ADRM1: variants seen among roughly 807,000 people sequenced by gnomAD.
ADRM1 encodes ADRM1 26S proteasome ubiquitin receptor, also known as proteasomal ubiquitin receptor ADRM1.
Under a neutral mutation model 40.1 loss-of-function variants are expected in ADRM1, and 2 were observed. The ratio of observed to expected loss-of-function variants is 0.05; its 90% CI spans 0.02 to 0.16. The LOEUF (loss-of-function observed/expected upper bound fraction) is 0.16. ADRM1 is among the 10% of genes least tolerant of loss of function. The pLI is 1.00. For missense variants in ADRM1, 467 were observed against 552.5 expected (o/e 0.85, Z 1.55); for synonymous variants, 287 against 240.4 (o/e 1.19, Z -1.79).
At chr20:62,304,321 C>A (rs768942184) in intron 2 of ADRM1, 140 bp from the exon 3 acceptor site, 10 of 662,488 alleles carry the variant, frequency 1.5e-5, no homozygotes, top group Non-Finnish European at 2.7e-5. Flanking sequence ...CTTGTGGAGA[C>A]CCTGCCAGCG....
In ADRM1 at chr20:62,306,267, C is replaced by T; in HGVS notation, c.401C>T (p.Pro134Leu). ...VNEYLNNPPMPGALGASGSSG... is the reference protein window; with the variant it reads ...VNEYLNNPPMLGALGASGSSG... ...GAGTATCTGAACAACCCCCCGATGCCTGGGGCGCTGGGGGCCAGCGGAAGC... is the reference window on the plus strand; with the variant it reads ...GAGTATCTGAACAACCCCCCGATGCTTGGGGCGCTGGGGGCCAGCGGAAGC... The change falls in exon 4 of 10, where the codon CCT (proline) becomes CTT (leucine). Residue 134 changes from proline to leucine, a missense_variant. Pro to Leu is a moderately conservative substitution (Grantham distance 98, BLOSUM62 -3). Coordinates refer to ENST00000253003, the MANE Select transcript of ADRM1 (RefSeq NM_007002.4). 1.2e-6 allele frequency: 2 copies of T among 1,613,064 alleles called. No individual in the cohort carries two copies. The highest frequency in any genetic ancestry group is 1.7e-6 in the Non-Finnish European group (2 of 1,179,864).
rs749882447 is a variant in ADRM1, at chr20:62,308,696, C to T, written c.1159C>T (p.Pro387Ser). 3 of 1,612,962 alleles carry T rather than the reference C, an allele frequency of 1.9e-6. No individual in the cohort carries two copies. Among genetic ancestry groups the T allele is most frequent in the East Asian group, 2.2e-5 (1 of 44,882 alleles). Residue 387 changes from proline to serine, a missense_variant, in exon 10 of 10, where the codon CCC becomes TCC. By Grantham distance (74) the Pro-to-Ser change is moderately conservative. Transcript: ENST00000253003. ...CAAAGCCATGCAGAACAACGCCAAG[C>T]CCGAGCAGAAAGAGGGCGACACGAA... is the stretch of plus-strand genomic sequence containing the variant. ...FAKAMQNNAKPEQKEGDTKDK... is the reference protein window; with the variant it reads ...FAKAMQNNAKSEQKEGDTKDK...
At chr20:62,303,838 C>G in intron 2 of ADRM1, 57 bp downstream of exon 2, 1 of 1,565,394 alleles carries the variant, frequency 6.4e-7, no homozygotes, top group Non-Finnish European at 8.7e-7. Flanking sequence ...CCTCGGAGTC[C>G]TCGCTTTGGA....
At position 62,302,998 on chromosome 20, in the gene ADRM1, A is replaced by G. The variant is rs1441836616; in HGVS notation, c.-53A>G. 6.6e-6 allele frequency: 1 copy of G among 151,740 alleles called. No homozygotes were observed. The highest frequency in any genetic ancestry group is 1.5e-5 in the Non-Finnish European group (1 of 67,946). The allele number at this position is 151,740 out of a possible 1,614,324, so 9.4% of individuals were successfully genotyped here. A position where few individuals can be genotyped will look rare whatever the true frequency, so the allele number is the denominator to read the frequency against. On this transcript the variant is annotated 5_prime_UTR_variant, in exon 1 of 10. Coordinates refer to ENST00000253003, the MANE Select transcript of ADRM1 (RefSeq NM_007002.4). The stretch of plus-strand genomic sequence containing the variant: ...CGGCGGGGCCCGGCAGGCGCCGAGG[A>G]GGAAGAGCGAGCCCGGACGGCGCCT...
Position 62,304,657 on chromosome 20 carries a change from G to A in ADRM1, c.330+80G>A, listed in dbSNP as rs1018213783. 10 of 1,433,220 alleles carry A rather than the reference G, an allele frequency of 7.0e-6. No individual in the cohort carries two copies. The Admixed American group carries it at 1.7e-4, about 24-fold the overall frequency. The allele number at this position is 1,433,220 out of a possible 1,614,324, so 88.8% of individuals were successfully genotyped here. On this transcript the variant is annotated intron_variant, in intron 3 of 9. Coordinates refer to ENST00000253003, the MANE Select transcript of ADRM1 (RefSeq NM_007002.4). ...AACTTGCTTACAGTGTGGTGCAATTGGCTTTTATAAACCAGCAGGCGCCGG... is the reference window on the plus strand; with the variant it reads ...AACTTGCTTACAGTGTGGTGCAATTAGCTTTTATAAACCAGCAGGCGCCGG...
Position 62,308,080 on chromosome 20 carries a change from G to A in ADRM1, c.916G>A (p.Val306Ile). 6.2e-7 allele frequency: 1 copy of A among 1,611,628 alleles called. No individual in the cohort carries two copies. The highest frequency in any genetic ancestry group is 8.5e-7 in the Non-Finnish European group (1 of 1,179,776). The change falls in exon 8 of 10, where the codon GTC (valine) becomes ATC (isoleucine). Residue 306 changes from valine to isoleucine, a missense_variant. Val to Ile is a conservative substitution (Grantham distance 29). Around this residue, in one of 3 missense-constraint regions of ADRM1, gnomAD observed 418 missense variants for 474.6 expected, o/e 0.88. Transcript: ENST00000253003. ...GGCTCCCATCCTCGCCAACGCGGAT[G>A]TCCAGGAGCGCCTGCTTCCCTACTT... Reference protein sequence around the residue: ...IMAPILANADVQERLLPYLPS... With the variant: ...IMAPILANADIQERLLPYLPS...
chr20:62,307,873 T>A, intron 7 of ADRM1, 45 bp downstream of exon 7: 1 of 1,568,626 alleles, frequency 6.4e-7, no homozygotes, highest in Non-Finnish European at 8.6e-7. Flanking sequence ...GCATGGGGCC[T>A]GCTGACCCTC....
chr20:62,304,132 C>G, intron 2 of ADRM1: 1 of 477,742 alleles, frequency 2.1e-6, no homozygotes, highest in East Asian at 3.8e-5. Flanking sequence ...CTTTGTTTTT[C>G]AAACTCTTAG....
intron 2 of ADRM1, 23 bp from the exon 3 acceptor site, chr20:62,304,438 T>A: frequency 6.2e-7 from 1 of 1,600,142 alleles, no homozygotes; most frequent in Non-Finnish European, 8.6e-7. Context: ...CGCCACTGAC[T>A]CTCTCTTCCC....
intron 4 of ADRM1, 87 bp downstream of exon 4, chr20:62,306,407 T>C: frequency 6.2e-7 from 1 of 1,600,366 alleles, no homozygotes; most frequent in South Asian, 1.1e-5. Flanking sequence ...GCACAGGTTG[T>C]TTGGAAGTGG....
At chr20:62,307,245 C>T in intron 5 of ADRM1, 126 bp from the exon 6 acceptor site, 1 of 924,528 alleles carries the variant, frequency 1.1e-6, no homozygotes. Context: ...GCCTGTGGGT[C>T]CCCACCGCCC....
At position 62,307,766 on chromosome 20, in the gene ADRM1, G is replaced by A; in HGVS notation, c.794G>A (p.Ser265Asn). The A allele has an allele frequency of 6.2e-7, 1 of 1,611,796 alleles. No homozygotes were observed. Among genetic ancestry groups the A allele is most frequent in the South Asian group, 1.1e-5 (1 of 91,012 alleles). ...AASPTQPIQL[S>N]DLQSILATMN... is the part of the protein sequence containing the mutation. ...AGCCCGACCCAGCCCATCCAGCTGA[G>A]CGACCTCCAGAGCATCCTGGCCACG... The change falls in exon 7 of 10, where the codon AGC becomes AAC. Residue 265 changes from serine (S) to asparagine (N), a missense_variant. By Grantham distance (46) the Ser-to-Asn change is conservative (BLOSUM62 1). Transcript: ENST00000253003.
Position 62,308,073 on chromosome 20 carries a change from C to T in ADRM1, c.909C>T (p.Asn303=), listed in dbSNP as rs756225724. 100 of 1,611,554 alleles carry T rather than the reference C, an allele frequency of 6.2e-5. 1 individual carries two copies. In the South Asian group the frequency reaches 9.1e-4, roughly 15 times the overall value. The change falls in exon 8 of 10, where the codon AAC becomes AAT. Residue 303 remains asparagine (N), a synonymous_variant. Coordinates refer to ENST00000253003, the MANE Select transcript of ADRM1 (RefSeq NM_007002.4). ...TPEIMAPILA[N]ADVQERLLPY... ...AGATAATGGCTCCCATCCTCGCCAA[C>T]GCGGATGTCCAGGAGCGCCTGCTTC...
At chr20:62,308,000 G>A (rs749556091) in intron 7 of ADRM1, 21 bp from the exon 8 acceptor site, 6 of 1,601,332 alleles carry the variant, frequency 3.7e-6, no homozygotes, top group Non-Finnish European at 5.1e-6. Flanking sequence ...TCGAGCTGAT[G>A]GCCGTGTTCT....
chr20:62,303,412 C>A, intron 1 of ADRM1, 156 bp from the exon 2 acceptor site: 1 of 725,364 alleles, frequency 1.4e-6, no homozygotes, highest in Non-Finnish European at 2.2e-6. Flanking sequence ...TCGTCGTGAG[C>A]GGGGCAAACG....
At chr20:62,308,527 C>T (rs1985511891) in intron 9 of ADRM1, 57 bp downstream of exon 9, 12 of 1,560,958 alleles carry the variant, frequency 7.7e-6, no homozygotes, top group Admixed American at 1.9e-5. Context: ...CCATTCCTGT[C>T]CCCCTGGATC....
chr20:62,306,527 T>A, intron 4 of ADRM1, 121 bp from the exon 5 acceptor site: 1 of 1,293,754 alleles, frequency 7.7e-7, no homozygotes, highest in Non-Finnish European at 1.1e-6. Flanking sequence ...TCACTTCAAG[T>A]GGTGCCCCCT....
At chr20:62,306,514 G>C in intron 4 of ADRM1, 134 bp from the exon 5 acceptor site, 1 of 1,275,138 alleles carries the variant, frequency 7.8e-7, no homozygotes, top group Non-Finnish European at 1.1e-6. Context: ...TCCCACCGTC[G>C]CCTCACTTCA....
rs563137376 is a variant in ADRM1 at position 62,308,766 on chromosome 20, C to G, written c.*5C>G. Reference sequence around the variant, plus strand: ...GAGGACATGAGCCTGGACTGAGCCACGCGCCGTCCTCCGAGGAACTGGGCG... The same window carrying G: ...GAGGACATGAGCCTGGACTGAGCCAGGCGCCGTCCTCCGAGGAACTGGGCG... On this transcript the variant is annotated 3_prime_UTR_variant, in exon 10 of 10. Transcript: ENST00000253003. 2 of 1,612,662 alleles carry G rather than the reference C, an allele frequency of 1.2e-6. No homozygotes were observed. The highest frequency in any genetic ancestry group is 3.3e-5 in the Admixed American group (2 of 59,972).
Sources: allele counts gnomAD v4.1 joint callset, GRCh38; gene constraint gnomAD v4.1.1; regional missense constraint gnomAD v4.1.1; transcripts MANE v1.5; gene names NCBI Gene and HGNC (gene_info 2026-07-23, HGNC 2026-07-21).